The following TAAR5 variants were observed in gnomAD, a reference collection of about 807,000 sequenced individuals.
TAAR5 encodes the protein trace amine-associated receptor 5.
In TAAR5, 27 loss-of-function variants were observed where a neutral mutation model predicts 21.1. The ratio of observed to expected loss-of-function variants is 1.28; its 90% CI spans 0.94 to 1.76. The LOEUF is 1.76. TAAR5 is among the 40% of genes most tolerant of loss of function. TAAR5 has a pLI of 0.00. For synonymous variants in TAAR5, 203 were observed against 167.5 expected, an observed-to-expected ratio of 1.21 and a Z score of -1.64; for missense variants, 495 against 405.6, an observed-to-expected ratio of 1.22 and a Z score of -1.89.
At chr6:132,601,014 AAGGG>A in the TAAR5 span, among the ~76,000 whole-genome samples, 2,310 of 58,150 alleles carry the variant, frequency 0.04, 32 homozygotes, top group Non-Finnish European at 0.054. Context: ...GGAAGGAAGG[AAGGG>A]GGGAAGGAGG....
At chr6:132,600,777 G>A in the TAAR5 span, among the ~76,000 whole-genome samples, 1 of 146,836 alleles carries the variant, frequency 6.8e-6, no homozygotes, top group Non-Finnish European at 1.5e-5. Context: ...AGGAAGGAAG[G>A]AGGGAAGGAG....
chr6:132,604,286 G>A, the TAAR5 span, among the ~76,000 whole-genome samples: 3 of 151,566 alleles, frequency 2.0e-5, no homozygotes, highest in Admixed American at 1.3e-4. Flanking sequence ...TGGACTACAT[G>A]AGCGTGCCAC....
At chr6:132,599,971 AT>A in the TAAR5 span, among the ~76,000 whole-genome samples, 1 of 152,212 alleles carries the variant, frequency 6.6e-6, no homozygotes, top group African/African-American at 2.4e-5. Flanking sequence ...AGCAAAAAGC[AT>A]TTGTAAACAA....
At chr6:132,597,528 T>C in the TAAR5 span, among the ~76,000 whole-genome samples, 4 of 152,192 alleles carry the variant, frequency 2.6e-5, no homozygotes, top group African/African-American at 9.6e-5. Context: ...AAGATTCCTT[T>C]TATTTGGAGA....
Position 132,588,970 on chromosome 6 carries a change from G to C in TAAR5, c.717C>G (p.Ser239Arg), listed in dbSNP as rs1776858179. The change falls in exon 1 of 1, where the codon AGC (serine) becomes AGG (arginine). Residue 239 changes from serine to arginine, a missense_variant. Transcript: ENST00000258034. The part of the protein sequence containing the change: ...QAQQITTLSK[S>R]LAGAAKHERK... The stretch of plus-strand genomic sequence containing the variant: ...TCTCATGCTTGGCAGCCCCAGCCAG[G>C]CTTTTGCTCAATGTGGTAATCTGCT... 1 of 1,613,914 alleles carries C rather than the reference G, an allele frequency of 6.2e-7. No homozygotes were observed. Among genetic ancestry groups the C allele is most frequent in the African/African-American group, 1.3e-5 (1 of 74,894 alleles).
At chr6:132,589,879 A>C (rs1776880756), upstream of TAAR5, among the ~76,000 whole-genome samples, 1 of 152,106 alleles carries the variant, frequency 6.6e-6, no homozygotes, top group Non-Finnish European at 1.5e-5. Flanking sequence ...ATGTGCCCTG[A>C]AAATCAAATG....
At chr6:132,602,798 A>G in the TAAR5 span, among the ~76,000 whole-genome samples, 1 of 146,380 alleles carries the variant, frequency 6.8e-6, no homozygotes, top group African/African-American at 2.5e-5. Flanking sequence ...AAAAAAAAAG[A>G]CAATACCAAA....
At chr6:132,591,135 A>C (rs1776900384), upstream of TAAR5, among the ~76,000 whole-genome samples, 1 of 152,042 alleles carries the variant, frequency 6.6e-6, no homozygotes, top group South Asian at 2.1e-4. Flanking sequence ...GCCATACCTA[A>C]CCTCTCTCTC....
upstream of TAAR5, chr6:132,589,741 GCAAAAAAAAAAAAAAAAA>G: frequency 9.2e-6 from 1 of 108,254 alleles, no homozygotes; most frequent in Non-Finnish European, 1.4e-5. Flanking sequence ...CCACTGGAGG[GCAAAAAAAAAAAAAAAAA>G]AAAAAAAAAA....
At chr6:132,593,158 A>G (rs76525948), upstream of TAAR5, among the ~76,000 whole-genome samples, 633 of 152,222 alleles carry the variant, frequency 4.2e-3, 6 homozygotes, top group African/African-American at 0.015. Context: ...ACAAAACCTG[A>G]TGCTACAGTC....
the TAAR5 span, among the ~76,000 whole-genome samples, chr6:132,610,844 T>C: frequency 6.6e-6 from 1 of 152,132 alleles, no homozygotes; most frequent in East Asian, 1.9e-4. Context: ...CCCTTGGTGA[T>C]GGGAGGTGTG....
the TAAR5 span, among the ~76,000 whole-genome samples, chr6:132,603,243 T>C: frequency 5.3e-4 from 79 of 147,860 alleles, no homozygotes; most frequent in Middle Eastern, 3.6e-3. Context: ...GTCAAGGCTG[T>C]AGTGAGCCGT....
At chr6:132,598,733 G>C in the TAAR5 span, among the ~76,000 whole-genome samples, 1 of 152,196 alleles carries the variant, frequency 6.6e-6, no homozygotes, top group African/African-American at 2.4e-5. Flanking sequence ...AGTCACCAGA[G>C]AAATGGCTCT....
At chr6:132,602,952 T>A in the TAAR5 span, among the ~76,000 whole-genome samples, 20 of 152,124 alleles carry the variant, frequency 1.3e-4, no homozygotes, top group Non-Finnish European at 1.5e-5. Flanking sequence ...CTCATTGAGA[T>A]GTTTCAGATA....
chr6:132,603,366 CAAAATT>C, the TAAR5 span, among the ~76,000 whole-genome samples: 1 of 147,614 alleles, frequency 6.8e-6, no homozygotes, highest in African/African-American at 2.5e-5. Context: ...TCTAATGATG[CAAAATT>C]AGTATTCTTA....
At chr6:132,615,863 C>A in the TAAR5 span, among the ~76,000 whole-genome samples, 1 of 141,438 alleles carries the variant, frequency 7.1e-6, no homozygotes, top group African/African-American at 2.8e-5. Flanking sequence ...AAACACAGTT[C>A]ACTACCATGT....
chr6:132,596,422 G>A, the TAAR5 span, among the ~76,000 whole-genome samples: 4 of 152,126 alleles, frequency 2.6e-5, no homozygotes, highest in Non-Finnish European at 5.9e-5. Context: ...ACTTTGGCCT[G>A]AGAATAGGCT....
chr6:132,607,931 A>G, the TAAR5 span, among the ~76,000 whole-genome samples: 1 of 152,298 alleles, frequency 6.6e-6, no homozygotes, highest in South Asian at 2.1e-4. Flanking sequence ...ATTGCTTTTT[A>G]ATTATCTCAT....
the TAAR5 span, among the ~76,000 whole-genome samples, chr6:132,615,104 C>T: frequency 6.6e-6 from 1 of 152,094 alleles, no homozygotes; most frequent in Non-Finnish European, 1.5e-5. Flanking sequence ...CCTCATGATC[C>T]GCCTACCTGG....
Sources: allele counts gnomAD v4.1 joint callset (sites outside exome capture counted in the v4.1 genomes callset), GRCh38; gene constraint gnomAD v4.1.1; transcripts MANE v1.5; gene names NCBI Gene and HGNC (gene_info 2026-07-23, HGNC 2026-07-21).